TMEM132B: variants seen among roughly 807,000 people sequenced by gnomAD.
TMEM132B encodes transmembrane protein 132B.
A neutral mutation model predicts 90.8 loss-of-function variants in TMEM132B; 18 were observed. The observed-to-expected ratio is 0.20, with a 90% CI of 0.14 to 0.29. The LOEUF (loss-of-function observed/expected upper bound fraction) is 0.29. TMEM132B is among the 10% of genes least tolerant of loss of function. The pLI, the probability that TMEM132B is intolerant of heterozygous loss-of-function variation, is 1.00. For missense variants in TMEM132B, 1,096 were observed against 1,326.8 expected (o/e 0.83, Z 2.70); for synonymous variants, 504 against 523.3 (o/e 0.96, Z 0.50).
Position 125,415,560 on chromosome 12 carries a change from C to A in TMEM132B, c.989C>A (p.Thr330Lys). ...RIKAAAGVKI[T>K]AVRVSSEDQW... ...AAGGCGGCAGCAGGTGTGAAGATAA[C>A]GGCAGTGAGAGTCAGCAGTGAGGAC... The change falls in exon 3 of 9, where the codon ACG becomes AAG. Residue 330 changes from threonine to lysine, a missense_variant. By Grantham distance (78) the Thr-to-Lys change is moderately conservative (BLOSUM62 -1). Coordinates refer to ENST00000682704, the MANE Select transcript of TMEM132B (RefSeq NM_001366854.1). The surrounding 1 kb of genome is among the most constrained non-coding windows in gnomAD (Gnocchi z 5.3). 6.2e-7 allele frequency: 1 copy of A among 1,614,106 alleles called. No homozygotes were observed. The highest frequency in any genetic ancestry group is 8.5e-7 in the Non-Finnish European group (1 of 1,180,014).
chr12:125,648,904 A>G lies in TMEM132B; in HGVS notation c.1644-1779A>G, dbSNP rs117315488. On this transcript the variant is annotated intron_variant, in intron 6 of 8. Coordinates refer to ENST00000682704, the MANE Select transcript of TMEM132B (RefSeq NM_001366854.1). ...TCTGAGTAGACACTATTGCCTGCCTATGTGAGCTTGTCTTTATTAACTAAA... is the reference window on the plus strand; with the variant it reads ...TCTGAGTAGACACTATTGCCTGCCTGTGTGAGCTTGTCTTTATTAACTAAA... 1.9e-3 allele frequency among the ~76,000 whole-genome samples: 287 copies of G among 152,360 alleles called. 1 individual carries two copies. Among genetic ancestry groups the G allele is most frequent in the Admixed American group, 5.3e-3 (81 of 15,306 alleles).
At chr12:125,333,705 A>G (rs1303626419) in intron 1 of TMEM132B, among the ~76,000 whole-genome samples, 1 of 152,226 alleles carries the variant, frequency 6.6e-6, no homozygotes, top group Non-Finnish European at 1.5e-5. Context: ...ACTGCTGGGT[A>G]AGAATGCATG....
At chr12:125,192,970 AAG>A (rs1872831718) in intron 1 of TMEM132B, among the ~76,000 whole-genome samples, 1 of 152,190 alleles carries the variant, frequency 6.6e-6, no homozygotes, top group African/African-American at 2.4e-5. Flanking sequence ...TTCAGCAAGA[AAG>A]AGGTTTGTAA....
In TMEM132B at chr12:125,482,255, T is replaced by G. The variant is rs564128393; in HGVS notation, c.1107-37184T>G. ...CAACAAAAGCCAAAATAGACAAATG[T>G]GATCTAATTAAACTAAAGAGCTTCT... On this transcript the variant is annotated intron_variant, in intron 3 of 8. Coordinates refer to ENST00000682704, the MANE Select transcript of TMEM132B (RefSeq NM_001366854.1). 2.0e-4 allele frequency among the ~76,000 whole-genome samples: 30 copies of G among 152,186 alleles called. No individual in the cohort carries two copies. The East Asian group carries it at 5.6e-3, about 28-fold the overall frequency.
intron 5 of TMEM132B, among the ~76,000 whole-genome samples, chr12:125,604,978 TG>T (rs1441106103): frequency 2.6e-5 from 4 of 152,140 alleles, no homozygotes; most frequent in African/African-American, 9.7e-5. Flanking sequence ...TGCACAAAAC[TG>T]TTTGGGGGTG....
intron 3 of TMEM132B, among the ~76,000 whole-genome samples, chr12:125,500,437 C>T (rs1882667882): frequency 6.6e-6 from 1 of 152,136 alleles, no homozygotes. Context: ...TGTTTGCAGA[C>T]ATTGCTAACT....
At chr12:125,467,780 C>A (rs982286154) in intron 3 of TMEM132B, among the ~76,000 whole-genome samples, 2 of 152,204 alleles carry the variant, frequency 1.3e-5, no homozygotes, top group Non-Finnish European at 2.9e-5. Context: ...TTCTCATATT[C>A]TCATAACCTC....
chr12:125,615,549 A>T (rs1885966432), intron 5 of TMEM132B, among the ~76,000 whole-genome samples: 1 of 152,058 alleles, frequency 6.6e-6, no homozygotes, highest in South Asian at 2.1e-4. Context: ...TCAACTCTGC[A>T]ACTTTCATTT....
chr12:125,392,257 G>A (rs1879046255), intron 2 of TMEM132B, among the ~76,000 whole-genome samples: 1 of 152,204 alleles, frequency 6.6e-6, no homozygotes. Flanking sequence ...CATCTTACCT[G>A]AAGGCTGGAA....
At chr12:125,471,729 A>G (rs1881728001) in intron 3 of TMEM132B, among the ~76,000 whole-genome samples, 1 of 152,188 alleles carries the variant, frequency 6.6e-6, no homozygotes, top group African/African-American at 2.4e-5. Flanking sequence ...CTGAGAGTTG[A>G]CATTTCCAGA....
chr12:125,349,869 C>T lies in TMEM132B; in HGVS notation c.485C>T (p.Pro162Leu). ...GACAGTGACCTTACGGAAGATCTAC[C>T]CTGTGTCAAGATGTTTGCTTTCCCT... ...WDDSDLTEDL[P>L]CVKMFAFPEA... Residue 162 changes from proline to leucine, a missense_variant, in exon 2 of 9, where the codon CCC becomes CTC. By Grantham distance (98) the Pro-to-Leu change is moderately conservative. Coordinates refer to ENST00000682704, the MANE Select transcript of TMEM132B (RefSeq NM_001366854.1). This position sits in a 1 kb window ranked among gnomAD's most constrained non-coding sequence, Gnocchi z 4.1. The T allele has an allele frequency of 6.2e-7, 1 of 1,614,014 alleles. No individual in the cohort carries two copies. Among genetic ancestry groups the T allele is most frequent in the Non-Finnish European group, 8.5e-7 (1 of 1,179,988 alleles).
chr12:125,545,054 A>G (rs1425165477), intron 4 of TMEM132B, among the ~76,000 whole-genome samples: 3 of 152,206 alleles, frequency 2.0e-5, no homozygotes, highest in African/African-American at 7.2e-5. Flanking sequence ...AGATTACCCA[A>G]TACTGAGTAA....
chr12:125,557,740 G>GC (rs1161931323), intron 4 of TMEM132B, among the ~76,000 whole-genome samples: 1 of 152,160 alleles, frequency 6.6e-6, no homozygotes, highest in Non-Finnish European at 1.5e-5. Context: ...TAGTCTCCGA[G>GC]ACTGATTAGT....
At chr12:125,238,136 T>C (rs1873977341) in intron 1 of TMEM132B, among the ~76,000 whole-genome samples, 1 of 152,110 alleles carries the variant, frequency 6.6e-6, no homozygotes, top group Non-Finnish European at 1.5e-5. Flanking sequence ...CTAAAGGGCC[T>C]GACTTCTGAG....
chr12:125,627,693 A>G (rs1034890542), intron 5 of TMEM132B, among the ~76,000 whole-genome samples: 2 of 152,104 alleles, frequency 1.3e-5, no homozygotes, highest in African/African-American at 4.8e-5. Flanking sequence ...TAGTTATTTT[A>G]AAATGTACAA....
At chr12:125,383,758 G>A (rs188033688) in intron 2 of TMEM132B, among the ~76,000 whole-genome samples, 73 of 152,234 alleles carry the variant, frequency 4.8e-4, no homozygotes, top group African/African-American at 1.6e-3. Flanking sequence ...TATATACAAA[G>A]CTAAAGTTAT....
At chr12:125,524,974 C>A (rs1189770517) in intron 4 of TMEM132B, among the ~76,000 whole-genome samples, 1 of 152,082 alleles carries the variant, frequency 6.6e-6, no homozygotes, top group Non-Finnish European at 1.5e-5. Flanking sequence ...GGTGAATGGA[C>A]ATTAGCCAAG....
chr12:125,250,367 T>C (rs977545055), intron 1 of TMEM132B, among the ~76,000 whole-genome samples: 2 of 152,274 alleles, frequency 1.3e-5, no homozygotes, highest in African/African-American at 2.4e-5. Flanking sequence ...GTTACCTTGC[T>C]GTTCCATCTT....
intron 1 of TMEM132B, among the ~76,000 whole-genome samples, chr12:125,203,662 T>C (rs1873118149): frequency 6.6e-6 from 1 of 152,242 alleles, no homozygotes; most frequent in East Asian, 1.9e-4. Context: ...AAAAAATGTT[T>C]TCTCCATAAA....
Sources: allele counts gnomAD v4.1 joint callset (sites outside exome capture counted in the v4.1 genomes callset), GRCh38; gene constraint gnomAD v4.1.1; non-coding constraint Gnocchi (gnomAD v3.1); transcripts MANE v1.5; gene names NCBI Gene and HGNC (gene_info 2026-07-23, HGNC 2026-07-21).